The following RTTN variants were observed in gnomAD, a reference collection of about 807,000 sequenced individuals.
RTTN encodes rotatin.
RTTN carries 182 observed loss-of-function variants against 269.2 expected under a neutral mutation model. That is an observed-to-expected ratio of 0.68 (90% CI 0.60 to 0.76). RTTN has a LOEUF of 0.76. Ranked by LOEUF, RTTN falls within the 30% of genes least tolerant of loss-of-function variation. The probability of loss-of-function intolerance (pLI) is 0.00; values close to 1 mark genes in which losing one functional copy is unlikely to be tolerated. For missense variants in RTTN, 2,545 were observed against 2,608.6 expected (o/e 0.98, Z 0.53); for synonymous variants, 1,006 against 963.5 (o/e 1.04, Z -0.82).
chr18:70,008,386 A>G (rs1463209618), intron 46 of RTTN: 2 of 152,080 alleles, frequency 1.3e-5, no homozygotes, highest in African/African-American at 4.8e-5. Flanking sequence ...CAAGGGAACA[A>G]AATTGGATGG....
chr18:70,065,270 T>TAAAAAAAAAAA (rs61422284), intron 35 of RTTN, among the ~76,000 whole-genome samples: 4 of 132,934 alleles, frequency 3.0e-5, no homozygotes, highest in Non-Finnish European at 6.3e-5. Context: ...CTCTAGAATT[T>TAAAAAAAAAAA]AAAAAAAAAA....
Position 70,188,131 on chromosome 18 carries a change from T to G in RTTN, c.1282A>C (p.Ser428Arg). ...EAISTDIWDD[S>R]SLFGIDMKEK... ...ACCATATCTATACCAAAAAGGCTGC[T>G]GTCATCCCAGATATCTGTTGAAATT... Residue 428 changes from serine to arginine, a missense_variant, in exon 10 of 49, where the codon AGC becomes CGC. Physicochemically the swap from Ser to Arg is moderately radical, Grantham distance 110 (BLOSUM62 -1). Transcript: ENST00000640769. 1 of 1,601,974 alleles carries G rather than the reference T, an allele frequency of 6.2e-7. No individual in the cohort carries two copies. The highest frequency in any genetic ancestry group is 8.6e-7 in the Non-Finnish European group (1 of 1,169,246).
intron 10 of RTTN, among the ~76,000 whole-genome samples, chr18:70,178,984 C>T (rs1359643779): frequency 6.6e-6 from 1 of 152,016 alleles, no homozygotes; most frequent in Non-Finnish European, 1.5e-5. Context: ...AAACTTTGAA[C>T]ACTGCAAAGA....
chr18:70,154,360 C>T (rs2060619261), intron 14 of RTTN, among the ~76,000 whole-genome samples: 1 of 152,048 alleles, frequency 6.6e-6, no homozygotes, highest in Non-Finnish European at 1.5e-5. Context: ...ACTCAATTTA[C>T]ACCAAATATT....
intron 32 of RTTN, among the ~76,000 whole-genome samples, chr18:70,085,471 A>G (rs1474005500): frequency 6.6e-6 from 1 of 152,128 alleles, no homozygotes; most frequent in Non-Finnish European, 1.5e-5. Flanking sequence ...AGCTTGTTTC[A>G]CTAACTCCTC....
chr18:70,004,668 A>T (rs1417865722), intron 48 of RTTN, among the ~76,000 whole-genome samples: 1 of 152,224 alleles, frequency 6.6e-6, no homozygotes, highest in Non-Finnish European at 1.5e-5. Context: ...GATATATTAC[A>T]GTACAGGAAA....
At chr18:70,047,674 T>A (rs1467730278) in intron 40 of RTTN, among the ~76,000 whole-genome samples, 3 of 152,224 alleles carry the variant, frequency 2.0e-5, no homozygotes, top group Non-Finnish European at 4.4e-5. Context: ...CTGAAATATA[T>A]CCATTTTGGT....
rs558426898 is a variant in RTTN, at chr18:70,175,946, A to T, written c.1476+729T>A. Among the ~76,000 whole-genome samples the T allele has an allele frequency of 1.2e-3, 183 of 152,270 alleles. 1 individual carries two copies. Among genetic ancestry groups the T allele is most frequent in the Non-Finnish European group, 2.1e-3 (146 of 68,020 alleles). On this transcript the variant is annotated intron_variant, in intron 11 of 48. Transcript: ENST00000640769. ...TGACAACACGTACCTAGCTGAAGAGAAGGAAAGGCTACTCTTGATATTAAT... is the reference window on the plus strand; with the variant it reads ...TGACAACACGTACCTAGCTGAAGAGTAGGAAAGGCTACTCTTGATATTAAT...
At chr18:70,204,992 A>T in intron 2 of RTTN, 136 bp downstream of exon 2, 1 of 776,604 alleles carries the variant, frequency 1.3e-6, no homozygotes, top group South Asian at 1.8e-5. Context: ...TACCCAGATT[A>T]ATTAAAATTA....
At chr18:70,205,410 A>G (rs768450079) in intron 1 of RTTN, 95 bp from the exon 2 acceptor site, 39 of 1,526,514 alleles carry the variant, frequency 2.6e-5, no homozygotes, top group Non-Finnish European at 3.4e-5. Flanking sequence ...GACGGAATAA[A>G]CCAGTTTTTT....
intron 32 of RTTN, among the ~76,000 whole-genome samples, chr18:70,080,514 A>G (rs1310154101): frequency 6.6e-6 from 1 of 152,212 alleles, no homozygotes; most frequent in African/African-American, 2.4e-5. Context: ...ATTATAGCCC[A>G]TTAAACAAAC....
chr18:70,075,545 T>TA lies in RTTN; in HGVS notation c.4375-5dup. 1 of 1,554,244 alleles carries TA rather than the reference T, an allele frequency of 6.4e-7. No individual in the cohort carries two copies. The highest frequency in any genetic ancestry group is 8.6e-7 in the Non-Finnish European group (1 of 1,158,948). On this transcript the variant is annotated splice_region_variant and splice_polypyrimidine_tract_variant and intron_variant, in intron 32 of 48. Coordinates refer to ENST00000640769, the MANE Select transcript of RTTN (RefSeq NM_173630.4). ...CCTCATCATGAACACAGGGACCCTG[T>TA]AGGAAGAGAGGGAAAGAAGGAGGAG...
chr18:70,124,878 A>C (rs1267865839), intron 25 of RTTN, among the ~76,000 whole-genome samples: 1 of 152,072 alleles, frequency 6.6e-6, no homozygotes, highest in Non-Finnish European at 1.5e-5. Context: ...GAAAAACAGT[A>C]GCAATAGGAC....
chr18:70,038,510 A>G (rs1434960512), intron 40 of RTTN, among the ~76,000 whole-genome samples: 3 of 152,188 alleles, frequency 2.0e-5, no homozygotes, highest in Non-Finnish European at 2.9e-5. Flanking sequence ...CAAGACCACC[A>G]AGGCAGTACC....
At chr18:70,153,004 T>C (rs2060578600) in intron 14 of RTTN, among the ~76,000 whole-genome samples, 1 of 152,178 alleles carries the variant, frequency 6.6e-6, no homozygotes, top group Non-Finnish European at 1.5e-5. Flanking sequence ...TATCTCATTA[T>C]ACTGCCCTTC....
chr18:70,140,065 C>T (rs1357846654), intron 20 of RTTN, 35 bp downstream of exon 20: 1 of 1,350,056 alleles, frequency 7.4e-7, no homozygotes, highest in Admixed American at 1.7e-5. Context: ...TCAAAACAGC[C>T]TGTAAAACAA....
chr18:70,199,620 A>G, intron 4 of RTTN, 116 bp from the exon 5 acceptor site: 1 of 669,650 alleles, frequency 1.5e-6, no homozygotes, highest in Non-Finnish European at 2.6e-6. Context: ...TGCATCTTAC[A>G]GTAACCTAAA....
At position 70,051,544 on chromosome 18, in the gene RTTN, T is replaced by A. The variant is rs773918490; in HGVS notation, c.5190A>T (p.Lys1730Asn). ...LTICTKDVLD[K>N]ELISAFYHTW... ...TGTGATAAAAAGCTGATATTAACTCTTTATCTATAAAATTAATCAAAACAC... is the reference window on the plus strand; with the variant it reads ...TGTGATAAAAAGCTGATATTAACTCATTATCTATAAAATTAATCAAAACAC... The change falls in exon 39 of 49, where the codon AAA (lysine) becomes AAT (asparagine). Residue 1730 changes from lysine (K) to asparagine (N), a missense_variant. By Grantham distance (94) the Lys-to-Asn change is moderately conservative (BLOSUM62 0). Coordinates refer to ENST00000640769, the MANE Select transcript of RTTN (RefSeq NM_173630.4). 1 of 1,594,782 alleles carries A rather than the reference T, an allele frequency of 6.3e-7. No homozygotes were observed. The highest frequency in any genetic ancestry group is 2.2e-5 in the East Asian group (1 of 44,668).
intron 32 of RTTN, 112 bp downstream of exon 32, chr18:70,086,501 T>C (rs1448770956): frequency 2.3e-6 from 2 of 878,916 alleles, no homozygotes; most frequent in African/African-American, 1.7e-5. Flanking sequence ...AAGAGGCCCT[T>C]GCTGTCTTGT....
Sources: allele counts gnomAD v4.1 joint callset (sites outside exome capture counted in the v4.1 genomes callset), GRCh38; gene constraint gnomAD v4.1.1; transcripts MANE v1.5; gene names NCBI Gene and HGNC (gene_info 2026-07-23, HGNC 2026-07-21).